Variants in CNGB3 observed in about 807,000 individuals in gnomAD.
CNGB3 encodes the protein cyclic nucleotide gated channel subunit beta 3.
CNGB3 carries 86 observed loss-of-function variants against 92.8 expected under a neutral mutation model. That is an observed-to-expected ratio of 0.93 (90% CI 0.78 to 1.11). The LOEUF is 1.11. CNGB3 is among the 50% of genes least tolerant of loss of function. The pLI is 0.00. For synonymous variants in CNGB3, 333 were observed against 332.7 expected (o/e 1.00, Z -0.01); for missense variants, 1,026 against 956.8 (o/e 1.07, Z -0.95).
At chr8:86,663,822 A>G (rs1287738687) in intron 6 of CNGB3, among the ~76,000 whole-genome samples, 1 of 152,184 alleles carries the variant, frequency 6.6e-6, no homozygotes, top group Admixed American at 6.5e-5. Context: ...CCTGCTCTAT[A>G]TTTGTAGCTT....
intron 15 of CNGB3, among the ~76,000 whole-genome samples, chr8:86,587,303 T>C (rs979731574): frequency 2.6e-5 from 4 of 152,282 alleles, no homozygotes; most frequent in African/African-American, 7.2e-5. Flanking sequence ...TTGACTCTGA[T>C]GGTAGTTTCT....
chr8:86,721,632 T>C (rs1325940732), intron 3 of CNGB3, among the ~76,000 whole-genome samples: 1 of 152,194 alleles, frequency 6.6e-6, no homozygotes, highest in Non-Finnish European at 1.5e-5. Context: ...TTGCTTACCA[T>C]AGAGGAAAAT....
intron 10 of CNGB3, among the ~76,000 whole-genome samples, chr8:86,640,412 C>G (rs80259367): frequency 1.3e-4 from 20 of 152,030 alleles, no homozygotes; most frequent in Non-Finnish European, 2.6e-4. Flanking sequence ...ATCTGCCATT[C>G]CAAGAAATCA....
chr8:86,667,997 A>G, intron 5 of CNGB3, 22 bp downstream of exon 5: 1 of 1,613,778 alleles, frequency 6.2e-7, no homozygotes. Flanking sequence ...TCCCACTATG[A>G]TAATTCACCC....
chr8:86,684,379 C>T (rs56994768), intron 3 of CNGB3, among the ~76,000 whole-genome samples: 14,430 of 152,150 alleles, frequency 0.095, 729 homozygotes, highest in East Asian at 0.13. Context: ...AACTGGATCA[C>T]TCATACACTG....
chr8:86,735,962 C>A (rs1419434698), intron 2 of CNGB3, among the ~76,000 whole-genome samples: 1 of 151,974 alleles, frequency 6.6e-6, no homozygotes, highest in Non-Finnish European at 1.5e-5. Context: ...ATATCCTCTA[C>A]TGGTACCAAG....
intron 4 of CNGB3, among the ~76,000 whole-genome samples, chr8:86,670,129 T>C (rs1016067816): frequency 6.6e-6 from 1 of 152,214 alleles, no homozygotes; most frequent in South Asian, 2.1e-4. Flanking sequence ...ATTACAGTCA[T>C]GAGCCACTAC....
At chr8:86,694,081 C>G (rs1361179534) in intron 3 of CNGB3, among the ~76,000 whole-genome samples, 1 of 62,606 alleles carries the variant, frequency 1.6e-5, no homozygotes, top group East Asian at 4.5e-4. Context: ...GGGGGGCTGA[C>G]CCCCCCACCT....
chr8:86,715,109 G>A (rs1205668491), intron 3 of CNGB3, among the ~76,000 whole-genome samples: 2 of 152,004 alleles, frequency 1.3e-5, no homozygotes, highest in Admixed American at 1.3e-4. Flanking sequence ...CTATAACCCT[G>A]CCCACCACCT....
chr8:86,699,602 A>G lies in CNGB3; in HGVS notation c.338+26929T>C, dbSNP rs1481962968. Reference sequence around the variant, plus strand: ...TGAATATGATATATGATGGTGGTTCATGACAATGTCCTGACATCCACAACA... The same window carrying G: ...TGAATATGATATATGATGGTGGTTCGTGACAATGTCCTGACATCCACAACA... On this transcript the variant is annotated intron_variant, in intron 3 of 17. Transcript: ENST00000320005. Among the ~76,000 whole-genome samples the G allele has an allele frequency of 3.3e-5, 5 of 152,338 alleles. No individual in the cohort carries two copies. The East Asian group carries it at 9.6e-4, about 29-fold the overall frequency.
At chr8:86,693,617 G>A (rs1320776427) in intron 3 of CNGB3, among the ~76,000 whole-genome samples, 1 of 150,170 alleles carries the variant, frequency 6.7e-6, no homozygotes, top group African/African-American at 2.4e-5. Context: ...TGTGTCCCTG[G>A]GTACTTAAGA....
chr8:86,632,949 T>C, intron 10 of CNGB3, 56 bp from the exon 11 acceptor site: 1 of 1,483,186 alleles, frequency 6.7e-7, no homozygotes, highest in African/African-American at 1.4e-5. Context: ...GAAAGACCAC[T>C]ATTCTTGGGA....
chr8:86,731,813 A>G (rs1825160801), intron 2 of CNGB3, among the ~76,000 whole-genome samples: 1 of 152,170 alleles, frequency 6.6e-6, no homozygotes, highest in Non-Finnish European at 1.5e-5. Flanking sequence ...ATAAACACAA[A>G]GTGTTCCATG....
chr8:86,582,815 C>CA (rs1461596703), intron 15 of CNGB3, among the ~76,000 whole-genome samples: 2 of 151,928 alleles, frequency 1.3e-5, no homozygotes, highest in Non-Finnish European at 2.9e-5. Flanking sequence ...CCTTGCCCTG[C>CA]AAAAAACATT....
chr8:86,601,646 C>G (rs540896226), intron 15 of CNGB3, among the ~76,000 whole-genome samples: 14 of 152,094 alleles, frequency 9.2e-5, no homozygotes, highest in Admixed American at 2.0e-4. Flanking sequence ...TTTCCAGTAT[C>G]TGGATGTTTG....
chr8:86,654,026 A>C lies in CNGB3; in HGVS notation c.889T>G (p.Ser297Ala), dbSNP rs74602293. 1 of 1,601,138 alleles carries C rather than the reference A, an allele frequency of 6.2e-7. No homozygotes were observed. Reference protein sequence around the residue: ...SNELRKHYRTSTKFQLDVASI... With the variant: ...SNELRKHYRTATKFQLDVASI... ...TTGTCACCTACCTGAAATTTTGTAG[A>C]AGTCCTGTAGTGTTTCCTTAGCTCA... The change falls in exon 7 of 18, where the codon TCT becomes GCT. Residue 297 changes from serine to alanine, a missense_variant. By Grantham distance (99) the Ser-to-Ala change is moderately conservative. Transcript: ENST00000320005.
chr8:86,644,533 G>T, intron 9 of CNGB3, 89 bp downstream of exon 9: 2 of 1,518,926 alleles, frequency 1.3e-6, no homozygotes, highest in Admixed American at 1.9e-5. Flanking sequence ...TTTTTTTGAA[G>T]AGGGGGGTCA....
chr8:86,589,005 A>C (rs1821961523), intron 15 of CNGB3, among the ~76,000 whole-genome samples: 1 of 152,186 alleles, frequency 6.6e-6, no homozygotes, highest in Admixed American at 6.6e-5. Flanking sequence ...GAATATTGCC[A>C]CAATTTCAGA....
chr8:86,708,276 T>TGAACGGTGAGGAA (rs1824685388), intron 3 of CNGB3, among the ~76,000 whole-genome samples: 2 of 152,102 alleles, frequency 1.3e-5, no homozygotes, highest in South Asian at 4.1e-4. Flanking sequence ...GAGTCATTAA[T>TGAACGGTGAGGAA]GAACGGTGAG....
Sources: gnomAD v4.1 joint callset for allele counts (sites outside exome capture counted in the v4.1 genomes callset) on GRCh38, gnomAD v4.1.1 for gene constraint, MANE v1.5 for transcripts, NCBI Gene and HGNC (gene_info 2026-07-23, HGNC 2026-07-21) for gene names.